The following DNAH14 variants were observed in gnomAD, a reference collection of about 807,000 sequenced individuals.
The protein encoded by DNAH14 is axonemal beta dynein heavy chain 14.
Under a neutral mutation model 520.9 loss-of-function variants are expected in DNAH14, and 478 were observed. That is an observed-to-expected ratio of 0.92 (90% confidence interval 0.85 to 0.99). The LOEUF is 0.99. DNAH14 is among the 50% of genes least tolerant of loss of function. The pLI is 0.00. For synonymous variants in DNAH14, 1,581 were observed against 1,757.2 expected, an observed-to-expected ratio of 0.90 and a Z score of 2.51; for missense variants, 4,831 against 5,234.5, an observed-to-expected ratio of 0.92 and a Z score of 2.38.
chr1:225,098,395 G>C (rs953127413), intron 22 of DNAH14, among the ~76,000 whole-genome samples: 2 of 152,136 alleles, frequency 1.3e-5, no homozygotes, highest in Admixed American at 1.3e-4. Flanking sequence ...TTAAACTATT[G>C]ACAGCAAATC....
intron 2 of DNAH14, chr1:224,954,503 T>TG (rs1337585658): frequency 1.3e-5 from 2 of 152,882 alleles, no homozygotes; most frequent in African/African-American, 4.8e-5. Context: ...CAGTGTCCTG[T>TG]GAAAAAAAAG....
intron 17 of DNAH14, among the ~76,000 whole-genome samples, chr1:225,065,459 AACAC>A (rs1410709167): frequency 6.6e-6 from 1 of 151,206 alleles, no homozygotes; most frequent in Non-Finnish European, 1.5e-5. Flanking sequence ...AACCAACAAC[AACAC>A]ACAAATCTTA....
chr1:225,089,464 A>G (rs868723063), intron 21 of DNAH14, among the ~76,000 whole-genome samples: 195 of 138,414 alleles, frequency 1.4e-3, no homozygotes, highest in African/African-American at 3.9e-3. Flanking sequence ...AAAAAAAAAA[A>G]AGAGAGCGAG....
chr1:225,039,063 C>G (rs1271041155), intron 12 of DNAH14, among the ~76,000 whole-genome samples: 3 of 152,086 alleles, frequency 2.0e-5, no homozygotes, highest in Non-Finnish European at 4.4e-5. Context: ...GTTCCAGGCA[C>G]TGAACTAGGT....
rs575142542 is a variant in DNAH14, at chr1:225,187,068, T to C, written c.5670+1643T>C. ...CATCATAGGAACACTCCTTGCTATA[T>C]GCCTTTAGATATATGTGTGTCCTTA... On this transcript the variant is annotated intron_variant, in intron 37 of 85. Transcript: ENST00000682510. 1.2e-4 allele frequency among the ~76,000 whole-genome samples: 18 copies of C among 151,972 alleles called. No homozygotes were observed. The South Asian group carries it at 3.5e-3, about 30-fold the overall frequency.
intron 65 of DNAH14, among the ~76,000 whole-genome samples, chr1:225,332,474 G>A (rs1322931865): frequency 6.6e-6 from 1 of 152,036 alleles, no homozygotes; most frequent in Non-Finnish European, 1.5e-5. Context: ...GCCATATACA[G>A]CCAGAGAATA....
intron 41 of DNAH14, among the ~76,000 whole-genome samples, chr1:225,223,504 AC>A (rs376299000): frequency 1.1e-4 from 17 of 151,910 alleles, no homozygotes; most frequent in African/African-American, 4.1e-4. Flanking sequence ...ACCATCAAAC[AC>A]CCCTTGGAAT....
At chr1:225,233,222 GTTGATTCCATATCT>G (rs1355878235) in intron 42 of DNAH14, among the ~76,000 whole-genome samples, 4 of 152,112 alleles carry the variant, frequency 2.6e-5, no homozygotes, top group Non-Finnish European at 5.9e-5. Flanking sequence ...GGGCATTTAG[GTTGATTCCATATCT>G]TTGCTATTGT....
At chr1:225,342,218 G>T (rs765523162) in intron 69 of DNAH14, among the ~76,000 whole-genome samples, 4 of 152,074 alleles carry the variant, frequency 2.6e-5, no homozygotes, top group African/African-American at 7.2e-5. Flanking sequence ...GTAATAATAA[G>T]AATATAATTT....
At chr1:224,952,876 A>G (rs2060266689) in intron 2 of DNAH14, 97 bp downstream of exon 2, 3 of 793,364 alleles carry the variant, frequency 3.8e-6, no homozygotes, top group Non-Finnish European at 5.6e-6. Flanking sequence ...AAGACTTAAA[A>G]TATCTTATCA....
chr1:225,100,972 C>A, intron 23 of DNAH14, 88 bp downstream of exon 23: 1 of 1,093,738 alleles, frequency 9.1e-7, no homozygotes, highest in South Asian at 2.0e-5. Flanking sequence ...GAAGCTAATT[C>A]CAGTGCAGAT....
At chr1:225,262,944 A>G (rs1244851576) in intron 46 of DNAH14, among the ~76,000 whole-genome samples, 4 of 151,854 alleles carry the variant, frequency 2.6e-5, no homozygotes, top group Non-Finnish European at 1.5e-5. Context: ...TGGTCATCAA[A>G]TGTTAAAATG....
At position 225,144,555 on chromosome 1, in the gene DNAH14, A is replaced by G. The variant is rs1350707142; in HGVS notation, c.4667A>G (p.His1556Arg). The G allele has an allele frequency of 1.3e-6, 2 of 1,551,442 alleles. No individual in the cohort carries two copies. The highest frequency in any genetic ancestry group is 4.9e-5 in the East Asian group (2 of 40,900). Residue 1556 changes from histidine to arginine, a missense_variant, in exon 29 of 86, where the codon CAC becomes CGC. Physicochemically the swap from His to Arg is conservative, Grantham distance 29. Transcript: ENST00000682510. ...TGGCTGACTCTCATGGAAGCACTACACTTGAATCTAGGAGGCTGTCCTGCC... is the reference window on the plus strand; with the variant it reads ...TGGCTGACTCTCATGGAAGCACTACGCTTGAATCTAGGAGGCTGTCCTGCC... The part of the protein sequence containing the change: ...RCWLTLMEAL[H>R]LNLGGCPAGP...
At chr1:224,943,879 T>A (rs948598690) in intron 1 of DNAH14, among the ~76,000 whole-genome samples, 4 of 152,324 alleles carry the variant, frequency 2.6e-5, no homozygotes, top group African/African-American at 9.6e-5. Flanking sequence ...ATAATTTCTG[T>A]TCTTTTACAT....
chr1:225,335,999 ATATATGTATACGC>A lies in DNAH14; in HGVS notation c.10081-1266_10081-1254del, dbSNP rs1558440766. Among the ~76,000 whole-genome samples, 20 of 85,674 alleles carry A rather than the reference ATATATGTATACGC, an allele frequency of 2.3e-4. No individual in the cohort carries two copies. In the East Asian group the frequency reaches 8.2e-3, roughly 35 times the overall value. 56.2% of individuals were successfully genotyped at this position (85,674 alleles called of 152,430 possible). A position where few individuals can be genotyped will look rare whatever the true frequency, so the allele number is the denominator to read the frequency against. ...CATATGTGTATATACACACATATGCATATATGTATACGCATATATGCATATATGTATATACACA... is the reference window on the plus strand; with the variant it reads ...CATATGTGTATATACACACATATGCAATATATGCATATATGTATATACACA... On this transcript the variant is annotated intron_variant, in intron 66 of 85. Coordinates refer to ENST00000682510, the MANE Select transcript of DNAH14 (RefSeq NM_001367479.1).
chr1:225,232,280 T>TATAC lies in DNAH14; in HGVS notation c.6518+1130_6518+1131insTACA, dbSNP rs1553258510. Among the ~76,000 whole-genome samples, 10 of 149,480 alleles carry TATAC rather than the reference T, an allele frequency of 6.7e-5. No homozygotes were observed. The highest frequency in any genetic ancestry group is 2.5e-4 in the African/African-American group (10 of 40,664). On this transcript the variant is annotated intron_variant, in intron 42 of 85. Coordinates refer to ENST00000682510, the MANE Select transcript of DNAH14 (RefSeq NM_001367479.1). This position sits in a 1 kb window ranked among gnomAD's most constrained non-coding sequence, Gnocchi z 4.2. Reference sequence around the variant, plus strand: ...ATATATAAACTGTGATATATATATATACACACACACACACACACACGTGTA... The same window carrying TATAC: ...ATATATAAACTGTGATATATATATATATACACACACACACACACACACACGTGTA...
intron 21 of DNAH14, among the ~76,000 whole-genome samples, chr1:225,092,169 A>G (rs901620175): frequency 2.0e-5 from 3 of 152,296 alleles, no homozygotes; most frequent in African/African-American, 7.2e-5. Context: ...ATTGAGGCAG[A>G]AAATAAACAA....
In DNAH14 at chr1:225,398,672, C is replaced by T; in HGVS notation, c.13638+6C>T. On this transcript the variant is annotated splice_donor_region_variant and intron_variant, in intron 85 of 85. Coordinates refer to ENST00000682510, the MANE Select transcript of DNAH14 (RefSeq NM_001367479.1). ...TATACTTTTTGCCAACAAAGGTAAT[C>T]ACCCTGCTATTATCCTGAAGTCCTA... 6.4e-7 allele frequency: 1 copy of T among 1,551,522 alleles called. No homozygotes were observed. Among genetic ancestry groups the T allele is most frequent in the Non-Finnish European group, 8.7e-7 (1 of 1,146,824 alleles).
intron 3 of DNAH14, 80 bp from the exon 4 acceptor site, chr1:224,960,073 T>A: frequency 7.5e-7 from 1 of 1,339,140 alleles, no homozygotes; most frequent in Admixed American, 2.9e-5. Context: ...TCATTAACTG[T>A]ATTGCTGGGT....
Sources: gnomAD v4.1 joint callset for allele counts (sites outside exome capture counted in the v4.1 genomes callset) on GRCh38, gnomAD v4.1.1 for gene constraint, Gnocchi (gnomAD v3.1) non-coding constraint, MANE v1.5 for transcripts, NCBI Gene and HGNC (gene_info 2026-07-23, HGNC 2026-07-21) for gene names.